The following PLD1 variants were observed in gnomAD, a reference collection of about 807,000 sequenced individuals.
PLD1 encodes the protein choline phosphatase 1.
In PLD1, 112 loss-of-function variants were observed where a neutral mutation model predicts 137.1. The ratio of observed to expected loss-of-function variants is 0.82; its 90% CI spans 0.70 to 0.96. PLD1 has a LOEUF of 0.96. Among genes scored for constraint, PLD1 ranks in the 40% least tolerant of loss-of-function variants. PLD1 has a pLI of 0.00. For synonymous variants in PLD1, 431 were observed against 454.7 expected, an observed-to-expected ratio of 0.95 and a Z score of 0.66; for missense variants, 1,321 against 1,342.0, an observed-to-expected ratio of 0.98 and a Z score of 0.24.
chr3:171,806,318 A>C (rs1046810385), intron 1 of PLD1, among the ~76,000 whole-genome samples: 31 of 152,256 alleles, frequency 2.0e-4, no homozygotes, highest in African/African-American at 7.2e-4. Context: ...GCACTAAAAC[A>C]GCTGGGGTCC....
rs371080467 is a variant in PLD1 at position 171,609,507 on chromosome 3, AACACACACAC to A, written c.2882+2762_2882+2771del. Among the ~76,000 whole-genome samples, 381 of 136,958 alleles carry A rather than the reference AACACACACAC, an allele frequency of 2.8e-3. 3 individuals are homozygous for A. The highest frequency in any genetic ancestry group is 5.7e-3 in the African/African-American group (209 of 36,384). The allele number at this position is 136,958 out of a possible 152,430, so 89.8% of individuals were successfully genotyped here. On this transcript the variant is annotated intron_variant, in intron 25 of 26. Transcript: ENST00000351298. Reference sequence around the variant, plus strand: ...CCTGAGCAGACAATTACATAAAGAAAACACACACACACACACACACACACACACACACACA... The same window carrying A: ...CCTGAGCAGACAATTACATAAAGAAAACACACACACACACACACACACACA...
At chr3:171,744,181 G>A (rs1719972986) in intron 1 of PLD1, among the ~76,000 whole-genome samples, 1 of 152,202 alleles carries the variant, frequency 6.6e-6, no homozygotes, top group South Asian at 2.1e-4. Flanking sequence ...GCAACTTCAT[G>A]AGGAGTACTG....
intron 23 of PLD1, among the ~76,000 whole-genome samples, chr3:171,622,687 A>G (rs1297339075): frequency 6.6e-6 from 1 of 150,862 alleles, no homozygotes; most frequent in Non-Finnish European, 1.5e-5. Flanking sequence ...TAATATTTTC[A>G]ATACTATTTA....
chr3:171,646,287 C>T (rs1025166956), intron 21 of PLD1, among the ~76,000 whole-genome samples: 1 of 152,132 alleles, frequency 6.6e-6, no homozygotes, highest in Non-Finnish European at 1.5e-5. Flanking sequence ...TTTTCAAGTC[C>T]GATCCTACTT....
chr3:171,647,118 A>C (rs986074928), intron 21 of PLD1, among the ~76,000 whole-genome samples: 2 of 152,222 alleles, frequency 1.3e-5, no homozygotes, highest in African/African-American at 4.8e-5. Context: ...GCTATGTGAT[A>C]AGCTCCTTTG....
In PLD1 at chr3:171,768,719, T is replaced by C. The variant is rs139985653; in HGVS notation, c.-31-30637A>G. Among the ~76,000 whole-genome samples, 662 of 152,370 alleles carry C rather than the reference T, an allele frequency of 4.3e-3. 1 individual carries two copies. The highest frequency in any genetic ancestry group is 0.015 in the African/African-American group (633 of 41,594). On this transcript the variant is annotated intron_variant, in intron 1 of 26. Coordinates refer to ENST00000351298, the MANE Select transcript of PLD1 (RefSeq NM_002662.5). ...TTTGCCTAAGAATTTCTCTCCAGCT[T>C]TGAAACTCAGATTCATTTTATAAGA...
intron 24 of PLD1, among the ~76,000 whole-genome samples, chr3:171,613,084 C>T (rs1201298395): frequency 3.3e-5 from 5 of 150,048 alleles, no homozygotes; most frequent in East Asian, 1.9e-4. Flanking sequence ...GCAGGAGGAT[C>T]GCCTGAGCCT....
intron 16 of PLD1, among the ~76,000 whole-genome samples, chr3:171,684,561 T>C (rs1401011786): frequency 6.6e-6 from 1 of 152,158 alleles, no homozygotes; most frequent in Non-Finnish European, 1.5e-5. Context: ...TCCCCATATT[T>C]GTTCTTCTCC....
intron 23 of PLD1, among the ~76,000 whole-genome samples, chr3:171,629,183 T>G (rs1208729071): frequency 1.3e-5 from 2 of 151,868 alleles, no homozygotes; most frequent in African/African-American, 4.8e-5. Flanking sequence ...ACAAAATCAA[T>G]GTACAAAAAT....
chr3:171,781,664 T>C (rs1470718063), intron 1 of PLD1, among the ~76,000 whole-genome samples: 2 of 152,084 alleles, frequency 1.3e-5, no homozygotes, highest in East Asian at 3.8e-4. Flanking sequence ...ACCAGGGAAA[T>C]TTAAGAAAAA....
chr3:171,663,226 C>T (rs923627290), intron 19 of PLD1, among the ~76,000 whole-genome samples: 1 of 152,210 alleles, frequency 6.6e-6, no homozygotes, highest in African/African-American at 2.4e-5. Flanking sequence ...TTTCTCATCG[C>T]TCACATTGCC....
At chr3:171,611,552 C>T (rs901671589) in intron 25 of PLD1, 1 of 517,674 alleles carries the variant, frequency 1.9e-6, no homozygotes, top group African/African-American at 1.9e-5. Context: ...CCAGTATTCT[C>T]TCTGCTTCAC....
At chr3:171,710,516 C>T (rs1717104929) in intron 9 of PLD1, among the ~76,000 whole-genome samples, 1 of 152,178 alleles carries the variant, frequency 6.6e-6, no homozygotes, top group Admixed American at 6.5e-5. Flanking sequence ...CAATAGGGTT[C>T]GAGCTTCTGT....
intron 24 of PLD1, among the ~76,000 whole-genome samples, chr3:171,616,134 T>C (rs779417600): frequency 1.3e-5 from 2 of 152,246 alleles, no homozygotes; most frequent in African/African-American, 2.4e-5. Flanking sequence ...GAAGTTCCTA[T>C]ACAATTTCTT....
chr3:171,627,891 G>A (rs1051982258), intron 23 of PLD1, among the ~76,000 whole-genome samples: 2 of 151,950 alleles, frequency 1.3e-5, no homozygotes, highest in African/African-American at 4.8e-5. Context: ...AGCACTAAAT[G>A]CCCACAAGAG....
rs1723981604 is a variant in PLD1, at chr3:171,808,815, A to ATTTTTTTTTTTTTTTTTAT, written c.-32+1583_-32+1584insATAAAAAAAAAAAAAAAAA. 3.8e-4 allele frequency among the ~76,000 whole-genome samples: 33 copies of ATTTTTTTTTTTTTTTTTAT among 86,236 alleles called. 1 individual carries two copies. Among genetic ancestry groups the ATTTTTTTTTTTTTTTTTAT allele is most frequent in the African/African-American group, 1.4e-3 (29 of 20,674 alleles). The allele number at this position is 86,236 out of a possible 152,430, so 56.6% of individuals were successfully genotyped here. On this transcript the variant is annotated intron_variant, in intron 1 of 26. Transcript: ENST00000351298. ...TTTTTCCTCAAAGCCTTAGCATTCAATTTTTTTTTTTTTTTTTTTTTTTTT... is the reference window on the plus strand; with the variant it reads ...TTTTTCCTCAAAGCCTTAGCATTCAATTTTTTTTTTTTTTTTTATTTTTTTTTTTTTTTTTTTTTTTTTT...
chr3:171,608,471 T>C (rs1391663460), intron 25 of PLD1, among the ~76,000 whole-genome samples: 1 of 152,184 alleles, frequency 6.6e-6, no homozygotes, highest in Non-Finnish European at 1.5e-5. Context: ...CCAAGATTAT[T>C]TTGAAAAAGA....
At position 171,612,250 on chromosome 3, in the gene PLD1, A is replaced by C. The variant is rs199576159; in HGVS notation, c.2882+29T>G. On this transcript the variant is annotated intron_variant, in intron 25 of 26. Transcript: ENST00000351298. This position sits in a 1 kb window ranked among gnomAD's most constrained non-coding sequence, Gnocchi z 4.1. ...CCAGCGACTGCTGCAGTGGAAATGC[A>C]TCAGAGAGACACACTTTGGCGGACT... is the stretch of plus-strand genomic sequence containing the variant. 4.4e-6 allele frequency: 7 copies of C among 1,608,898 alleles called. No individual in the cohort carries two copies. In the South Asian group the frequency reaches 5.5e-5, roughly 13 times the overall value.
Position 171,687,814 on chromosome 3 carries a change from A to G in PLD1, c.1540-230T>C, listed in dbSNP as rs533020475. Among the ~76,000 whole-genome samples the G allele has an allele frequency of 4.6e-5, 7 of 152,300 alleles. No homozygotes were observed. The East Asian group carries it at 1.4e-3, about 29-fold the overall frequency. ...CTATGGTCTTTTTTCAGTAGGCCAAATTCTTGAAATTTCACTCCAATTAAA... is the reference window on the plus strand; with the variant it reads ...CTATGGTCTTTTTTCAGTAGGCCAAGTTCTTGAAATTTCACTCCAATTAAA... On this transcript the variant is annotated intron_variant, in intron 14 of 26. Coordinates refer to ENST00000351298, the MANE Select transcript of PLD1 (RefSeq NM_002662.5).
Sources: gnomAD v4.1 joint callset for allele counts (sites outside exome capture counted in the v4.1 genomes callset) on GRCh38, gnomAD v4.1.1 for gene constraint, Gnocchi (gnomAD v3.1) non-coding constraint, MANE v1.5 for transcripts, NCBI Gene and HGNC (gene_info 2026-07-23, HGNC 2026-07-21) for gene names.